The following INVS variants were observed in gnomAD, a reference collection of about 807,000 sequenced individuals.
INVS encodes inversion of embryo turning homolog.
Under a neutral mutation model 108.8 loss-of-function variants are expected in INVS, and 86 were observed. The ratio of observed to expected loss-of-function variants is 0.79; its 90% CI spans 0.66 to 0.95. The LOEUF (loss-of-function observed/expected upper bound fraction) is 0.95. Ranked by LOEUF, INVS falls within the 40% of genes least tolerant of loss-of-function variation. The probability of loss-of-function intolerance (pLI) is 0.00; values close to 1 mark genes in which losing one functional copy is unlikely to be tolerated. For synonymous variants in INVS, 455 were observed against 473.5 expected (o/e 0.96, Z 0.51); for missense variants, 1,169 against 1,297.4 (o/e 0.90, Z 1.52).
chr9:100,289,607 A>T (rs763470246), intron 13 of INVS, among the ~76,000 whole-genome samples: 11 of 152,216 alleles, frequency 7.2e-5, no homozygotes, highest in Admixed American at 6.5e-5. Flanking sequence ...CCGCCTTCAT[A>T]TATCTGGCAA....
chr9:100,148,027 A>G (rs1213851486), intron 3 of INVS, among the ~76,000 whole-genome samples: 28 of 99,448 alleles, frequency 2.8e-4, no homozygotes, highest in African/African-American at 2.5e-3. Flanking sequence ...CTACAAAAAA[A>G]AAAAAAAAAA....
chr9:100,229,132 T>G (rs190611398), intron 4 of INVS, among the ~76,000 whole-genome samples: 69 of 152,272 alleles, frequency 4.5e-4, no homozygotes, highest in African/African-American at 1.5e-3. Flanking sequence ...AACAAACAAT[T>G]TTTTCTTATT....
intron 3 of INVS, among the ~76,000 whole-genome samples, chr9:100,152,508 A>G (rs999947438): frequency 6.6e-6 from 1 of 152,236 alleles, no homozygotes; most frequent in Non-Finnish European, 1.5e-5. Context: ...TGTCTAAATT[A>G]TGTCGTCAGT....
At chr9:100,251,825 T>A (rs1832248608) in intron 8 of INVS, among the ~76,000 whole-genome samples, 1 of 152,202 alleles carries the variant, frequency 6.6e-6, no homozygotes, top group African/African-American at 2.4e-5. Context: ...ACAGTGCATG[T>A]AACCAATGGA....
intron 3 of INVS, among the ~76,000 whole-genome samples, chr9:100,225,809 ATGT>A (rs1188514127): frequency 6.6e-6 from 1 of 152,158 alleles, no homozygotes. Context: ...TAAATAAAAC[ATGT>A]TGTTTTATTT....
intron 3 of INVS, among the ~76,000 whole-genome samples, chr9:100,218,736 A>G (rs1212978462): frequency 6.6e-6 from 1 of 152,212 alleles, no homozygotes; most frequent in Non-Finnish European, 1.5e-5. Context: ...TTGCCTCACT[A>G]TGAGGCTACA....
intron 2 of INVS, among the ~76,000 whole-genome samples, chr9:100,120,127 C>T (rs1308183947): frequency 1.3e-5 from 2 of 152,136 alleles, no homozygotes; most frequent in East Asian, 1.9e-4. Context: ...ATATGGGAGC[C>T]CTGTGTGGTG....
At chr9:100,219,393 G>C (rs1231514747) in intron 3 of INVS, among the ~76,000 whole-genome samples, 1 of 152,170 alleles carries the variant, frequency 6.6e-6, no homozygotes, top group African/African-American at 2.4e-5. Context: ...GATCACTTGA[G>C]CCCAGGAGTT....
At chr9:100,216,834 G>C (rs1239330977) in intron 3 of INVS, among the ~76,000 whole-genome samples, 1 of 152,100 alleles carries the variant, frequency 6.6e-6, no homozygotes, top group East Asian at 1.9e-4. Flanking sequence ...GCACTATTTG[G>C]GTGGCTTGCT....
chr9:100,246,557 T>C (rs1832054127), intron 7 of INVS, 59 bp from the exon 8 acceptor site: 1 of 1,263,432 alleles, frequency 7.9e-7, no homozygotes, highest in East Asian at 2.4e-5. Flanking sequence ...TATATGACTT[T>C]ATTACCACAG....
At chr9:100,212,542 G>T (rs1588092363) in intron 3 of INVS, among the ~76,000 whole-genome samples, 1 of 150,174 alleles carries the variant, frequency 6.7e-6, no homozygotes. Context: ...TTCCCTTCAG[G>T]TGCCTCAAAC....
chr9:100,269,882 G>T (rs190633385), intron 11 of INVS, among the ~76,000 whole-genome samples: 3 of 152,280 alleles, frequency 2.0e-5, no homozygotes, highest in Admixed American at 1.3e-4. Context: ...AGCAGTGAAT[G>T]TCCTGTAATA....
intron 3 of INVS, among the ~76,000 whole-genome samples, chr9:100,179,162 T>A (rs907263826): frequency 6.6e-6 from 1 of 152,124 alleles, no homozygotes; most frequent in Admixed American, 6.6e-5. Flanking sequence ...AAGGAAAAAC[T>A]GGTTGCAGCC....
intron 3 of INVS, among the ~76,000 whole-genome samples, chr9:100,192,205 G>T (rs1340039144): frequency 6.6e-6 from 1 of 151,434 alleles, no homozygotes; most frequent in Non-Finnish European, 1.5e-5. Flanking sequence ...AGTAGGGGAG[G>T]CATGCTAACA....
chr9:100,299,518 C>T (rs922302746), intron 16 of INVS, among the ~76,000 whole-genome samples: 3 of 151,190 alleles, frequency 2.0e-5, no homozygotes, highest in Admixed American at 6.6e-5. Flanking sequence ...TGCAAACCAC[C>T]CACCAAGAAT....
chr9:100,211,501 C>T lies in INVS; in HGVS notation c.274-14561C>T, dbSNP rs563424097. 5.9e-5 allele frequency among the ~76,000 whole-genome samples: 9 copies of T among 152,300 alleles called. No individual in the cohort carries two copies. The South Asian group carries it at 1.9e-3, about 32-fold the overall frequency. On this transcript the variant is annotated intron_variant, in intron 3 of 16. Coordinates refer to ENST00000262457, the MANE Select transcript of INVS (RefSeq NM_014425.5). ...AGAATACCTTTCCATAATTTCCTCT[C>T]ATAGAGAAAAGCCTTTTTTTGACAG...
chr9:100,275,207 A>G (rs1053202642), intron 12 of INVS, among the ~76,000 whole-genome samples: 1 of 152,232 alleles, frequency 6.6e-6, no homozygotes, highest in Non-Finnish European at 1.5e-5. Context: ...AGTTCTCTGC[A>G]TGTGAGTGGC....
intron 10 of INVS, among the ~76,000 whole-genome samples, chr9:100,259,813 G>C (rs975947989): frequency 1.3e-5 from 2 of 151,938 alleles, no homozygotes; most frequent in Non-Finnish European, 2.9e-5. Context: ...GCCTCCCTAA[G>C]TGCTGGGATT....
At chr9:100,258,975 T>A (rs1832519219) in intron 10 of INVS, among the ~76,000 whole-genome samples, 1 of 152,160 alleles carries the variant, frequency 6.6e-6, no homozygotes, top group African/African-American at 2.4e-5. Flanking sequence ...TCTGCAGAAG[T>A]TTCTGCTGCC....
Sources: allele counts gnomAD v4.1 joint callset (sites outside exome capture counted in the v4.1 genomes callset), GRCh38; gene constraint gnomAD v4.1.1; transcripts MANE v1.5; gene names NCBI Gene and HGNC (gene_info 2026-07-23, HGNC 2026-07-21).